DOCK8: variants seen among roughly 807,000 people sequenced by gnomAD.
DOCK8 encodes the protein dedicator of cytokinesis 8, also known as dedicator of cytokinesis protein 8.
DOCK8 carries 141 observed loss-of-function variants against 245.6 expected under a neutral mutation model. The ratio of observed to expected loss-of-function variants is 0.57; its 90% CI spans 0.50 to 0.66. DOCK8 has a LOEUF of 0.66. DOCK8 is among the 30% of genes least tolerant of loss of function. DOCK8 has a pLI of 0.00. For missense variants in DOCK8, 2,965 were observed against 2,603.4 expected (o/e 1.14, Z -3.02); for synonymous variants, 1,168 against 970.2 (o/e 1.20, Z -3.79).
chr9:414,750 A>C (rs56295418), intron 28 of DOCK8, 32 bp from the exon 29 acceptor site: 1 of 1,614,064 alleles, frequency 6.2e-7, no homozygotes, highest in South Asian at 1.1e-5. Context: ...TCCTTTCACC[A>C]TAACCTCTTG....
At chr9:392,861 A>G (rs1018606576) in intron 24 of DOCK8, among the ~76,000 whole-genome samples, 1 of 151,932 alleles carries the variant, frequency 6.6e-6, no homozygotes, top group African/African-American at 2.4e-5. Context: ...TCCTGCTTCT[A>G]TTTACACATC....
intron 2 of DOCK8, among the ~76,000 whole-genome samples, chr9:282,670 G>A (rs966862990): frequency 1.3e-5 from 2 of 151,904 alleles, no homozygotes; most frequent in African/African-American, 4.8e-5. Context: ...CAATCCTCCT[G>A]CGTTGGCCTC....
intron 1 of DOCK8, among the ~76,000 whole-genome samples, chr9:256,558 C>G (rs2047780571): frequency 6.6e-6 from 1 of 152,154 alleles, no homozygotes; most frequent in Admixed American, 6.5e-5. Context: ...GAGAGATTTC[C>G]TTTGCTCTGT....
chr9:434,920 A>G lies in DOCK8; in HGVS notation c.5024A>G (p.Tyr1675Cys), dbSNP rs1406387133. Residue 1675 changes from tyrosine (Y) to cysteine (C), a missense_variant, in exon 39 of 48, where the codon TAT becomes TGT. Tyr to Cys is a radical substitution (Grantham distance 194). Coordinates refer to ENST00000432829, the MANE Select transcript of DOCK8 (RefSeq NM_203447.4). ...CACGCCGCTGCGTTAGTGGCTGAGT[A>G]TCTGAGCATGCTGGAGGACCACAGC... ...LVHAAALVAE[Y>C]LSMLEDHSYL... 5.0e-6 allele frequency: 8 copies of G among 1,613,740 alleles called. No homozygotes were observed. Among genetic ancestry groups the G allele is most frequent in the Non-Finnish European group, 6.8e-6 (8 of 1,180,038 alleles).
At position 414,864 on chromosome 9, in the gene DOCK8, C is replaced by T; in HGVS notation, c.3613C>T (p.Pro1205Ser). Residue 1205 changes from proline (P) to serine (S), a missense_variant, in exon 29 of 48, where the codon CCA becomes TCA. Around this residue, in one of 3 missense-constraint regions of DOCK8, gnomAD observed 2,825 missense variants for 2,453.5 expected, o/e 1.15. Coordinates refer to ENST00000432829, the MANE Select transcript of DOCK8 (RefSeq NM_203447.4). ...SHDLDPRCVK[P>S]EVKVKIAALY... ...CGACCTGGACCCACGCTGTGTCAAA[C>T]CAGAGGTGAAGGTCAAAATCGCCGC... 1 of 1,614,206 alleles carries T rather than the reference C, an allele frequency of 6.2e-7. No homozygotes were observed. The highest frequency in any genetic ancestry group is 8.5e-7 in the Non-Finnish European group (1 of 1,180,032).
chr9:212,886 G>C (rs1484502645), upstream of DOCK8: 1 of 152,216 alleles, frequency 6.6e-6, no homozygotes, highest in Admixed American at 6.5e-5. Flanking sequence ...ATATGAAAAT[G>C]TATGTCATAA....
intron 33 of DOCK8, among the ~76,000 whole-genome samples, chr9:424,342 C>T (rs1286679405): frequency 6.6e-6 from 1 of 152,054 alleles, no homozygotes; most frequent in African/African-American, 2.4e-5. Context: ...TAAAACTTCC[C>T]AGGTGATTCT....
intron 23 of DOCK8, among the ~76,000 whole-genome samples, chr9:389,645 A>G (rs2054098590): frequency 6.6e-6 from 1 of 152,130 alleles, no homozygotes. Flanking sequence ...TAGAAATGCA[A>G]ATTCCCAGGC....
intron 1 of DOCK8, among the ~76,000 whole-genome samples, chr9:266,528 G>A (rs78244574): frequency 6.6e-6 from 1 of 152,160 alleles, no homozygotes; most frequent in African/African-American, 2.4e-5. Context: ...CAGGACTGGG[G>A]TAGGTCCAGG....
chr9:346,709 G>A (rs146703639), intron 14 of DOCK8, among the ~76,000 whole-genome samples: 1 of 152,214 alleles, frequency 6.6e-6, no homozygotes, highest in Non-Finnish European at 1.5e-5. Flanking sequence ...GTCTGATCTG[G>A]CCTAACGGGG....
chr9:334,103 AT>A, intron 10 of DOCK8, 121 bp from the exon 11 acceptor site: 1 of 1,057,994 alleles, frequency 9.5e-7, no homozygotes. Context: ...GTGGGAAGAT[AT>A]GTTTTTACTC....
intron 14 of DOCK8, among the ~76,000 whole-genome samples, chr9:348,735 T>TA (rs1277474903): frequency 3.9e-5 from 6 of 152,254 alleles, no homozygotes; most frequent in Non-Finnish European, 8.8e-5. Flanking sequence ...AATTATTATT[T>TA]AAAATCAGTC....
At chr9:332,543 T>TA in intron 10 of DOCK8, 65 bp downstream of exon 10, 1 of 1,167,718 alleles carries the variant, frequency 8.6e-7, no homozygotes, top group Non-Finnish European at 1.3e-6. Context: ...TCAGAAGTGT[T>TA]ACACAAATAG....
intron 2 of DOCK8, among the ~76,000 whole-genome samples, chr9:279,709 T>C (rs1211329922): frequency 1.3e-5 from 2 of 152,198 alleles, no homozygotes; most frequent in African/African-American, 4.8e-5. Context: ...CTTAGGTGAC[T>C]TTGACAAGGC....
chr9:313,603 G>T (rs1385853745), intron 6 of DOCK8, among the ~76,000 whole-genome samples: 1 of 152,220 alleles, frequency 6.6e-6, no homozygotes, highest in African/African-American at 2.4e-5. Flanking sequence ...TTATAGCAGG[G>T]GCTGTGGGGA....
chr9:303,162 GAAA>G (rs562054682), intron 4 of DOCK8, among the ~76,000 whole-genome samples: 1 of 136,970 alleles, frequency 7.3e-6, no homozygotes, highest in African/African-American at 2.7e-5. Context: ...CCTGTCTCAA[GAAA>G]AAAAAAAAGG....
chr9:453,132 C>G (rs1321259850), intron 46 of DOCK8, among the ~76,000 whole-genome samples: 1 of 152,208 alleles, frequency 6.6e-6, no homozygotes, highest in East Asian at 1.9e-4. Context: ...GAGATATCTC[C>G]TCCTTCACAG....
intron 33 of DOCK8, among the ~76,000 whole-genome samples, chr9:425,776 A>G (rs944957371): frequency 6.6e-6 from 1 of 151,822 alleles, no homozygotes; most frequent in African/African-American, 2.4e-5. Flanking sequence ...AAAAAAAAAA[A>G]AACTTTTAGA....
At chr9:428,675 G>A (rs558192351) in intron 35 of DOCK8, among the ~76,000 whole-genome samples, 179 bp downstream of exon 35, 3 of 152,322 alleles carry the variant, frequency 2.0e-5, no homozygotes, top group Admixed American at 2.0e-4. Flanking sequence ...AGCCACCATG[G>A]AGAGGAAAAG....
Sources: allele counts gnomAD v4.1 joint callset (sites outside exome capture counted in the v4.1 genomes callset), GRCh38; gene constraint gnomAD v4.1.1; regional missense constraint gnomAD v4.1.1; transcripts MANE v1.5; gene names NCBI Gene and HGNC (gene_info 2026-07-23, HGNC 2026-07-21).